Variants in NTNG1 observed in about 807,000 individuals in gnomAD.
NTNG1 encodes netrin G1.
Under a neutral mutation model 54.0 loss-of-function variants are expected in NTNG1, and 16 were observed. That is an observed-to-expected ratio of 0.30 (90% CI 0.20 to 0.45). NTNG1 has a LOEUF of 0.45. NTNG1 is among the 20% of genes least tolerant of loss of function. NTNG1 has a pLI of 1.00. For missense variants in NTNG1, 530 were observed against 678.7 expected (o/e 0.78, Z 2.43); for synonymous variants, 255 against 263.1 (o/e 0.97, Z 0.30).
At chr1:107,330,383 A>G (rs1447096063) in intron 3 of NTNG1, among the ~76,000 whole-genome samples, 2 of 152,154 alleles carry the variant, frequency 1.3e-5, no homozygotes, top group African/African-American at 4.8e-5. Context: ...CTGGAAAGCT[A>G]TAACATTGCT....
intron 7 of NTNG1, among the ~76,000 whole-genome samples, chr1:107,447,437 T>C (rs1378791384): frequency 1.3e-5 from 2 of 152,092 alleles, no homozygotes; most frequent in Non-Finnish European, 2.9e-5. Context: ...TGGAAGTTAT[T>C]TGGGCGTACT....
chr1:107,228,897 C>T (rs1660867897), intron 2 of NTNG1, among the ~76,000 whole-genome samples: 1 of 152,140 alleles, frequency 6.6e-6, no homozygotes, highest in African/African-American at 2.4e-5. Flanking sequence ...CCTTCCAGGG[C>T]TGGCAGCATT....
intron 7 of NTNG1, among the ~76,000 whole-genome samples, chr1:107,439,070 C>T (rs1057482610): frequency 4.6e-5 from 7 of 152,036 alleles, no homozygotes; most frequent in Admixed American, 1.3e-4. Context: ...AGTTCACATC[C>T]GAATGAGAGG....
intron 3 of NTNG1, among the ~76,000 whole-genome samples, chr1:107,373,021 C>T (rs1308171073): frequency 1.3e-5 from 2 of 151,906 alleles, no homozygotes; most frequent in East Asian, 1.9e-4. Context: ...GCATATAACT[C>T]GTCTTGTTTT....
At chr1:107,412,381 A>T (rs892364531) in intron 5 of NTNG1, among the ~76,000 whole-genome samples, 2 of 152,190 alleles carry the variant, frequency 1.3e-5, no homozygotes, top group Non-Finnish European at 2.9e-5. Flanking sequence ...ATGTCTACAG[A>T]ATTCTGTTTT....
intron 2 of NTNG1, among the ~76,000 whole-genome samples, chr1:107,250,589 A>G (rs1249796613): frequency 7.0e-6 from 1 of 142,398 alleles, no homozygotes; most frequent in Non-Finnish European, 1.6e-5. Flanking sequence ...TAAAAAAAAT[A>G]AAAGAAAGAC....
At chr1:107,240,641 T>G (rs1320219477) in intron 2 of NTNG1, among the ~76,000 whole-genome samples, 1 of 152,246 alleles carries the variant, frequency 6.6e-6, no homozygotes, top group Non-Finnish European at 1.5e-5. Flanking sequence ...AAGCATTGCA[T>G]GTATTAAGTG....
chr1:107,207,931 C>T (rs1456883028), intron 2 of NTNG1, among the ~76,000 whole-genome samples: 1 of 152,180 alleles, frequency 6.6e-6, no homozygotes, highest in African/African-American at 2.4e-5. Context: ...CTTTCTTCTC[C>T]TTCCACCCTG....
chr1:107,188,465 AT>A (rs1657643372), intron 2 of NTNG1, among the ~76,000 whole-genome samples: 2 of 152,196 alleles, frequency 1.3e-5, no homozygotes, highest in Admixed American at 6.5e-5. Context: ...GAATGAATAA[AT>A]TCTGAAATGC....
At chr1:107,422,653 C>G (rs1049650602) in intron 5 of NTNG1, among the ~76,000 whole-genome samples, 10 of 152,098 alleles carry the variant, frequency 6.6e-5, no homozygotes, top group African/African-American at 2.4e-4. Context: ...TCTTAATTCC[C>G]AGAATCACTC....
chr1:107,260,435 G>T (rs1220610565), intron 2 of NTNG1, among the ~76,000 whole-genome samples: 1 of 152,152 alleles, frequency 6.6e-6, no homozygotes, highest in Non-Finnish European at 1.5e-5. Flanking sequence ...CAGGCAGAGG[G>T]TCTACCCTGC....
chr1:107,456,568 G>T (rs137944007), intron 7 of NTNG1, among the ~76,000 whole-genome samples: 3 of 152,134 alleles, frequency 2.0e-5, no homozygotes, highest in African/African-American at 7.2e-5. Context: ...AGGCCTGCTC[G>T]CTTATCAATA....
intron 7 of NTNG1, among the ~76,000 whole-genome samples, chr1:107,463,672 A>G (rs955416504): frequency 5.9e-5 from 9 of 152,204 alleles, no homozygotes; most frequent in Non-Finnish European, 1.2e-4. Context: ...TTTTGTCAGC[A>G]AATTATTGAG....
intron 1 of NTNG1, among the ~76,000 whole-genome samples, chr1:107,145,111 C>G (rs537692114): frequency 6.6e-6 from 1 of 152,172 alleles, no homozygotes; most frequent in South Asian, 2.1e-4. Flanking sequence ...ATTGGTTTCC[C>G]TAGCTATTTG....
chr1:107,349,643 T>A (rs1033620143), intron 3 of NTNG1, among the ~76,000 whole-genome samples: 37 of 152,282 alleles, frequency 2.4e-4, no homozygotes, highest in African/African-American at 8.7e-4. Flanking sequence ...TTCTTTTGCT[T>A]TGCTCTGTAG....
chr1:107,430,530 C>A, intron 5 of NTNG1: 2 of 656,812 alleles, frequency 3.0e-6, no homozygotes, highest in Non-Finnish European at 5.6e-6. Flanking sequence ...TAACAATCTT[C>A]AGTCTTGTTC....
chr1:107,175,763 TGGA>T (rs1656598863), intron 2 of NTNG1, among the ~76,000 whole-genome samples: 2 of 152,210 alleles, frequency 1.3e-5, no homozygotes, highest in Admixed American at 1.3e-4. Context: ...AGATAATTTA[TGGA>T]AATTCTCTAG....
At chr1:107,255,630 G>A (rs531505712) in intron 2 of NTNG1, among the ~76,000 whole-genome samples, 50 of 151,946 alleles carry the variant, frequency 3.3e-4, no homozygotes, top group Middle Eastern at 3.2e-3. Flanking sequence ...TGTTCCAGTC[G>A]AATACGAAAT....
At chr1:107,149,460 T>C (rs1654394165) in intron 2 of NTNG1, among the ~76,000 whole-genome samples, 1 of 152,210 alleles carries the variant, frequency 6.6e-6, no homozygotes, top group African/African-American at 2.4e-5. Flanking sequence ...CTATGTATAT[T>C]TTAAAGATGA....
Sources: gnomAD v4.1 joint callset for allele counts (sites outside exome capture counted in the v4.1 genomes callset) on GRCh38, gnomAD v4.1.1 for gene constraint, MANE v1.5 for transcripts, NCBI Gene and HGNC (gene_info 2026-07-23, HGNC 2026-07-21) for gene names.